Variants in SYTL5 observed in about 807,000 individuals in gnomAD.
The protein encoded by SYTL5 is synaptotagmin like 5, also known as synaptotagmin-like protein 5.
A neutral mutation model predicts 55.9 loss-of-function variants in SYTL5; 34 were observed. The ratio of observed to expected loss-of-function variants is 0.61; its 90% CI spans 0.46 to 0.81. SYTL5 has a LOEUF of 0.81. Among genes scored for constraint, SYTL5 ranks in the 30% least tolerant of loss-of-function variants. The pLI is 0.00. For synonymous variants in SYTL5, 221 were observed against 188.7 expected (o/e 1.17, Z -1.40); for missense variants, 637 against 546.7 (o/e 1.17, Z -1.65).
intron 3 of SYTL5, among the ~76,000 whole-genome samples, chrX:38,058,026 A>C (rs1206120918): frequency 6.3e-5 from 7 of 111,633 alleles, no homozygotes; most frequent in African/African-American, 2.3e-4. Context: ...ACTTTCCCTA[A>C]CACCAAAATC....
the SYTL5 span, among the ~76,000 whole-genome samples, chrX:37,933,420 G>A: frequency 9.0e-6 from 1 of 111,315 alleles, no homozygotes; most frequent in East Asian, 2.8e-4. Flanking sequence ...CCAGCATCCT[G>A]ACAGCCACCG....
the SYTL5 span, among the ~76,000 whole-genome samples, chrX:37,933,358 C>G: frequency 9.0e-6 from 1 of 111,495 alleles, no homozygotes; most frequent in Non-Finnish European, 1.9e-5. Flanking sequence ...ATCCCCCTCT[C>G]TTCAGCCCCA....
intron 12 of SYTL5, among the ~76,000 whole-genome samples, chrX:38,108,975 A>G (rs1039741068): frequency 1.8e-5 from 2 of 112,395 alleles, no homozygotes; most frequent in African/African-American, 6.5e-5. Flanking sequence ...GCTTCTTGCT[A>G]AAAAATCGGT....
At chrX:37,919,012 G>A in the SYTL5 span, among the ~76,000 whole-genome samples, 1 of 110,698 alleles carries the variant, frequency 9.0e-6, no homozygotes, top group Non-Finnish European at 1.9e-5. Context: ...CCTGCTAGAA[G>A]GGGTTTGGAG....
At chrX:37,903,458 C>T in the SYTL5 span, among the ~76,000 whole-genome samples, 3 of 105,703 alleles carry the variant, frequency 2.8e-5, no homozygotes, top group Non-Finnish European at 5.8e-5. Context: ...GGGCAAAAAA[C>T]CAAACACTGC....
chrX:37,958,208 CA>C, the SYTL5 span, among the ~76,000 whole-genome samples: 36 of 67,880 alleles, frequency 5.3e-4, no homozygotes, highest in African/African-American at 4.8e-4. Context: ...GACTCCATCT[CA>C]AAAAAAAAAA....
intron 2 of SYTL5, among the ~76,000 whole-genome samples, chrX:38,051,244 A>G (rs1935615120): frequency 8.9e-6 from 1 of 111,871 alleles, no homozygotes; most frequent in African/African-American, 3.3e-5. Flanking sequence ...TTTACAGGCT[A>G]TGGGAAAGAG....
At chrX:37,923,491 T>C in the SYTL5 span, among the ~76,000 whole-genome samples, 1 of 110,619 alleles carries the variant, frequency 9.0e-6, no homozygotes, top group Non-Finnish European at 1.9e-5. Flanking sequence ...AAAGGGGAAA[T>C]ATGACTATGG....
At chrX:38,087,117 C>T (rs1469527174) in intron 6 of SYTL5, among the ~76,000 whole-genome samples, 1 of 111,305 alleles carries the variant, frequency 9.0e-6, no homozygotes, top group Non-Finnish European at 1.9e-5. Context: ...CGCACACACA[C>T]AAGCAGAAAC....
At chrX:37,890,758 A>G in the SYTL5 span, among the ~76,000 whole-genome samples, 4 of 112,609 alleles carry the variant, frequency 3.6e-5, no homozygotes, top group African/African-American at 1.3e-4. Context: ...ATTTCTCTGA[A>G]AAAGACATAT....
the SYTL5 span, among the ~76,000 whole-genome samples, chrX:37,942,176 T>A: frequency 8.9e-6 from 1 of 112,461 alleles, no homozygotes; most frequent in East Asian, 2.8e-4. Flanking sequence ...TTCCTGTATG[T>A]CAACATTTTA....
intron 9 of SYTL5, among the ~76,000 whole-genome samples, chrX:38,100,196 C>T (rs1937047864): frequency 9.0e-6 from 1 of 111,157 alleles, no homozygotes; most frequent in Non-Finnish European, 1.9e-5. Context: ...GAAGCCAGCA[C>T]TTTCTTACAA....
At chrX:37,893,763 TATAG>T in the SYTL5 span, among the ~76,000 whole-genome samples, 1 of 94,771 alleles carries the variant, frequency 1.1e-5, no homozygotes, top group African/African-American at 3.8e-5. Flanking sequence ...ATATATAATC[TATAG>T]ATAAACTATA....
chrX:38,118,864 C>T (rs1216007514), intron 13 of SYTL5, among the ~76,000 whole-genome samples: 2 of 106,756 alleles, frequency 1.9e-5, no homozygotes, highest in African/African-American at 7.0e-5. Context: ...AAGCTATCCT[C>T]CCACCTCAGC....
chrX:38,110,623 A>G, intron 13 of SYTL5, 141 bp downstream of exon 13: 4 of 426,782 alleles, frequency 9.4e-6, no homozygotes. Flanking sequence ...TTTTGGAATA[A>G]TATTATAAAA....
At chrX:37,958,589 A>C in the SYTL5 span, among the ~76,000 whole-genome samples, 2 of 111,720 alleles carry the variant, frequency 1.8e-5, no homozygotes, top group Non-Finnish European at 3.8e-5. Context: ...CCCAAATTTT[A>C]TTTTCTTTTC....
the SYTL5 span, among the ~76,000 whole-genome samples, chrX:37,992,015 TTAA>T: frequency 1.8e-5 from 2 of 112,550 alleles, no homozygotes; most frequent in Admixed American, 1.9e-4. Context: ...TTAATGGTTG[TTAA>T]TTATTAATGA....
At chrX:37,913,076 C>G in the SYTL5 span, among the ~76,000 whole-genome samples, 4 of 111,723 alleles carry the variant, frequency 3.6e-5, no homozygotes, top group Non-Finnish European at 7.5e-5. Context: ...CCTTCTTCCT[C>G]CTGCTGTTAG....
chrX:37,956,347 G>A, the SYTL5 span, among the ~76,000 whole-genome samples: 1 of 112,016 alleles, frequency 8.9e-6, no homozygotes, highest in Non-Finnish European at 1.9e-5. Context: ...AATGTACAAT[G>A]AAGTGTTATT....
Sources: gnomAD v4.1 joint callset for allele counts (sites outside exome capture counted in the v4.1 genomes callset) on GRCh38, gnomAD v4.1.1 for gene constraint, MANE v1.5 for transcripts, NCBI Gene and HGNC (gene_info 2026-07-23, HGNC 2026-07-21) for gene names.